INTU: variants seen among roughly 807,000 people sequenced by gnomAD.
The protein encoded by INTU is inturned planar cell polarity protein.
INTU carries 68 observed loss-of-function variants against 100.5 expected under a neutral mutation model. The observed-to-expected ratio is 0.68, with a 90% CI of 0.56 to 0.83. INTU has a LOEUF of 0.83. INTU is among the 40% of genes least tolerant of loss of function. INTU has a pLI of 0.00. For missense variants in INTU, 1,071 were observed against 1,114.7 expected (o/e 0.96, Z 0.56); for synonymous variants, 357 against 395.7 (o/e 0.90, Z 1.16).
chr4:127,633,275 G>T, intron 1 of INTU, 95 bp downstream of exon 1: 1 of 1,319,782 alleles, frequency 7.6e-7, no homozygotes, highest in African/African-American at 1.5e-5. Flanking sequence ...GGCGTGGTTG[G>T]AATCGAGTAT....
chr4:127,707,351 A>G (rs1379914678), intron 12 of INTU, among the ~76,000 whole-genome samples: 1 of 118,506 alleles, frequency 8.4e-6, no homozygotes, highest in East Asian at 3.0e-4. Context: ...CCACTGCATG[A>G]TTTGTCACTC....
chr4:127,700,214 C>T, intron 9 of INTU, 151 bp downstream of exon 9: 1 of 603,886 alleles, frequency 1.7e-6, no homozygotes, highest in South Asian at 3.1e-5. Context: ...ATTTTGCTTG[C>T]CTTAGGATTT....
chr4:127,669,478 C>T (rs181223515), intron 5 of INTU, among the ~76,000 whole-genome samples: 5 of 151,828 alleles, frequency 3.3e-5, no homozygotes, highest in African/African-American at 9.6e-5. Context: ...TTTATTATTT[C>T]TTCATGAAGA....
intron 9 of INTU, among the ~76,000 whole-genome samples, chr4:127,702,017 A>G (rs533299091): frequency 1.3e-5 from 2 of 152,306 alleles, no homozygotes; most frequent in African/African-American, 4.8e-5. Context: ...GATATTAACT[A>G]TTAGGAGCAG....
At chr4:127,660,692 T>C (rs190652946) in intron 3 of INTU, among the ~76,000 whole-genome samples, 71 of 152,270 alleles carry the variant, frequency 4.7e-4, no homozygotes, top group African/African-American at 1.5e-3. Context: ...TGATGAGTCA[T>C]AGAGAGTGCG....
intron 1 of INTU, among the ~76,000 whole-genome samples, chr4:127,633,389 G>GTTTGT (rs1004587963): frequency 6.6e-6 from 1 of 152,078 alleles, no homozygotes; most frequent in Non-Finnish European, 1.5e-5. Flanking sequence ...GTTGTTTTTT[G>GTTTGT]TTTGTTTTGT....
chr4:127,650,935 T>C (rs1727834922), intron 2 of INTU, among the ~76,000 whole-genome samples: 1 of 152,242 alleles, frequency 6.6e-6, no homozygotes, highest in South Asian at 2.1e-4. Context: ...AGATGGTATC[T>C]CATTGTGGTT....
At chr4:127,707,954 A>G (rs1290169722) in intron 12 of INTU, among the ~76,000 whole-genome samples, 1 of 152,184 alleles carries the variant, frequency 6.6e-6, no homozygotes, top group Non-Finnish European at 1.5e-5. Context: ...CAAATAAACT[A>G]TGAAATGCTA....
chr4:127,653,942 C>A (rs1221725938), intron 2 of INTU, among the ~76,000 whole-genome samples: 6 of 151,724 alleles, frequency 4.0e-5, no homozygotes, highest in African/African-American at 7.3e-5. Flanking sequence ...ATAGTTAGCT[C>A]TTCTTGTTGA....
intron 5 of INTU, among the ~76,000 whole-genome samples, chr4:127,672,367 T>C (rs1728967819): frequency 6.6e-6 from 1 of 152,038 alleles, no homozygotes; most frequent in Admixed American, 6.6e-5. Context: ...ATATAATGTG[T>C]GGCTATTTGT....
At chr4:127,657,274 T>C (rs894529392) in intron 3 of INTU, among the ~76,000 whole-genome samples, 1 of 152,238 alleles carries the variant, frequency 6.6e-6, no homozygotes, top group Admixed American at 6.5e-5. Flanking sequence ...TTTGATACCC[T>C]AAACATTGAC....
chr4:127,682,591 T>G (rs1433553247), intron 6 of INTU, among the ~76,000 whole-genome samples: 268 of 106,046 alleles, frequency 2.5e-3, no homozygotes, highest in African/African-American at 8.8e-3. Flanking sequence ...TCTGGGGACT[T>G]TTGTGGGGTG....
rs572934787 is a variant in INTU at position 127,655,757 on chromosome 4, G to T, written c.683-879G>T. On this transcript the variant is annotated intron_variant, in intron 2 of 15. Coordinates refer to ENST00000335251, the MANE Select transcript of INTU (RefSeq NM_015693.4). ...GAGCTGTGGTGGGCTCCACCCAGTT[G>T]GAGCTTCCTGGCTGCTATGTTTACC... is the stretch of plus-strand genomic sequence containing the variant. Among the ~76,000 whole-genome samples, 8 of 152,246 alleles carry T rather than the reference G, an allele frequency of 5.3e-5. No individual in the cohort carries two copies. The East Asian group carries it at 1.5e-3, about 29-fold the overall frequency.
chr4:127,699,623 T>A (rs1487224377), intron 8 of INTU, among the ~76,000 whole-genome samples: 1 of 152,244 alleles, frequency 6.6e-6, no homozygotes, highest in East Asian at 1.9e-4. Flanking sequence ...CTGATTTTCA[T>A]TTTCTTCTAT....
Position 127,716,423 on chromosome 4 carries a change from G to A in INTU, c.2816G>A (p.Gly939Glu). The change falls in exon 16 of 16, where the codon GGG becomes GAG. Residue 939 changes from glycine to glutamate, a missense_variant. By Grantham distance (98) the Gly-to-Glu change is moderately conservative (BLOSUM62 -2). Coordinates refer to ENST00000335251, the MANE Select transcript of INTU (RefSeq NM_015693.4). ...AIEIAFKLFFGLTL is the reference protein window; with the variant it reads ...AIEIAFKLFFELTL ...GAAATAGCTTTTAAATTGTTCTTTGGGTTAACCTTGTAGCTGTGCTTTCTT... is the reference window on the plus strand; with the variant it reads ...GAAATAGCTTTTAAATTGTTCTTTGAGTTAACCTTGTAGCTGTGCTTTCTT... 1 of 1,561,696 alleles carries A rather than the reference G, an allele frequency of 6.4e-7. No homozygotes were observed. The highest frequency in any genetic ancestry group is 8.7e-7 in the Non-Finnish European group (1 of 1,145,222).
rs932945874 is a variant in INTU at position 127,723,664 on chromosome 4, T to G, written c.*7228T>G. 2 of 152,140 alleles carry G rather than the reference T, an allele frequency of 1.3e-5. No individual in the cohort carries two copies. Among genetic ancestry groups the G allele is most frequent in the Non-Finnish European group, 2.9e-5 (2 of 68,040 alleles). 9.4% of individuals were successfully genotyped at this position (152,140 alleles called of 1,614,324 possible). A position where few individuals can be genotyped will look rare whatever the true frequency, so the allele number is the denominator to read the frequency against. ...TTTGTCAACTTTATTTTTTTTTGTT[T>G]GTTTTTGTTAAAATACATTCAGCGG... On this transcript the variant is annotated 3_prime_UTR_variant, in exon 16 of 16. Coordinates refer to ENST00000335251, the MANE Select transcript of INTU (RefSeq NM_015693.4).
intron 11 of INTU, 150 bp from the exon 12 acceptor site, chr4:127,706,337 A>G: frequency 1.5e-6 from 1 of 668,078 alleles, no homozygotes; most frequent in African/African-American, 1.8e-5. Flanking sequence ...AATAACCAAA[A>G]AGGAAAGATG....
intron 5 of INTU, among the ~76,000 whole-genome samples, chr4:127,670,850 T>A (rs571009809): frequency 6.6e-6 from 1 of 151,888 alleles, no homozygotes; most frequent in African/African-American, 2.4e-5. Context: ...TTGACAAAAA[T>A]ATACACTGGG....
At position 127,643,850 on chromosome 4, in the gene INTU, A is replaced by T. The variant is rs754515284; in HGVS notation, c.476A>T (p.Lys159Ile). The change falls in exon 2 of 16, where the codon AAA becomes ATA. Residue 159 changes from lysine to isoleucine, a missense_variant. Transcript: ENST00000335251. ...GGAGTCATTGTCCAACAGCGATACA[A>T]AGATGTGAATGTTTATGTAAACCCC... ...KTGVIVQQRYKDVNVYVNPKK... is the reference protein window; with the variant it reads ...KTGVIVQQRYIDVNVYVNPKK... 6.2e-7 allele frequency: 1 copy of T among 1,614,166 alleles called. No homozygotes were observed. Among genetic ancestry groups the T allele is most frequent in the South Asian group, 1.1e-5 (1 of 91,080 alleles).
Sources: gnomAD v4.1 joint callset for allele counts (sites outside exome capture counted in the v4.1 genomes callset) on GRCh38, gnomAD v4.1.1 for gene constraint, MANE v1.5 for transcripts, NCBI Gene and HGNC (gene_info 2026-07-23, HGNC 2026-07-21) for gene names.